NCKAP5: variants seen among roughly 807,000 people sequenced by gnomAD.
NCKAP5 encodes the protein nck-associated protein 5.
NCKAP5 carries 92 observed loss-of-function variants against 167.0 expected under a neutral mutation model. The observed-to-expected ratio is 0.55, with a 90% CI of 0.47 to 0.66. The LOEUF is 0.66. Among genes scored for constraint, NCKAP5 ranks in the 30% least tolerant of loss-of-function variants. NCKAP5 has a pLI of 0.00. For missense variants in NCKAP5, 2,378 were observed against 2,315.0 expected, an observed-to-expected ratio of 1.03 and a Z score of -0.56; for synonymous variants, 891 against 877.4, an observed-to-expected ratio of 1.02 and a Z score of -0.27.
chr2:133,094,378 C>T (rs899313386), intron 6 of NCKAP5, among the ~76,000 whole-genome samples: 1 of 152,120 alleles, frequency 6.6e-6, no homozygotes, highest in African/African-American at 2.4e-5. Context: ...AATTATATTG[C>T]TGCAGTAACA....
At chr2:133,387,624 A>G (rs113067204) in intron 3 of NCKAP5, among the ~76,000 whole-genome samples, 6,741 of 152,318 alleles carry the variant, frequency 0.044, 453 homozygotes, top group African/African-American at 0.15. Context: ...TCGGGATAAT[A>G]TCCTGAAGAG....
At chr2:132,907,609 A>C (rs1282559834) in intron 8 of NCKAP5, among the ~76,000 whole-genome samples, 4 of 152,206 alleles carry the variant, frequency 2.6e-5, no homozygotes, top group African/African-American at 7.2e-5. Flanking sequence ...TACCACTCAA[A>C]GACACGTTTT....
At chr2:133,197,979 C>T (rs1003403640) in intron 5 of NCKAP5, among the ~76,000 whole-genome samples, 12 of 151,686 alleles carry the variant, frequency 7.9e-5, no homozygotes, top group South Asian at 6.3e-4. Flanking sequence ...CTTGAAAAAG[C>T]GGAAAGATAG....
chr2:133,141,481 T>G lies in NCKAP5; in HGVS notation c.208-11370A>C, dbSNP rs148754638. Among the ~76,000 whole-genome samples, 127 of 152,232 alleles carry G rather than the reference T, an allele frequency of 8.3e-4. 1 individual carries two copies. Among genetic ancestry groups the G allele is most frequent in the African/African-American group, 2.8e-3 (116 of 41,558 alleles). On this transcript the variant is annotated intron_variant, in intron 5 of 19. Transcript: ENST00000409261. ...CCTGTAGCTGGAATCCTTATATTCC[T>G]TCCTTCAGTGAATGGGTATAATTAT...
intron 6 of NCKAP5, among the ~76,000 whole-genome samples, chr2:133,057,837 T>C (rs2079857663): frequency 1.3e-5 from 2 of 152,336 alleles, no homozygotes; most frequent in South Asian, 2.1e-4. Context: ...TAAATGCTGA[T>C]AGAAGATGCC....
At chr2:133,065,627 A>C (rs759042835) in intron 6 of NCKAP5, among the ~76,000 whole-genome samples, 16 of 152,114 alleles carry the variant, frequency 1.1e-4, no homozygotes, top group Non-Finnish European at 1.9e-4. Context: ...CTATCTTAAA[A>C]ATTTTTTTTC....
intron 11 of NCKAP5, among the ~76,000 whole-genome samples, chr2:132,811,655 G>T (rs1206238571): frequency 6.6e-6 from 1 of 152,100 alleles, no homozygotes; most frequent in Non-Finnish European, 1.5e-5. Context: ...TTTCCAGGCG[G>T]AAGGTGAGAT....
intron 3 of NCKAP5, among the ~76,000 whole-genome samples, chr2:133,425,319 T>C (rs1002261779): frequency 5.3e-5 from 8 of 152,206 alleles, no homozygotes; most frequent in African/African-American, 1.9e-4. Context: ...AATAAACACC[T>C]ATGTGGAGAA....
chr2:133,564,230 C>G (rs1013441445), intron 1 of NCKAP5, among the ~76,000 whole-genome samples: 1 of 152,132 alleles, frequency 6.6e-6, no homozygotes, highest in African/African-American at 2.4e-5. Flanking sequence ...TTCTGAGCAT[C>G]AGTATTTTTG....
intron 11 of NCKAP5, among the ~76,000 whole-genome samples, chr2:132,810,532 C>T (rs1685785753): frequency 6.6e-6 from 1 of 152,102 alleles, no homozygotes; most frequent in African/African-American, 2.4e-5. Flanking sequence ...TCTTTGAGCT[C>T]TGAATTTCTT....
chr2:133,611,125 G>GA, the NCKAP5 span, among the ~76,000 whole-genome samples: 3 of 151,264 alleles, frequency 2.0e-5, no homozygotes, highest in Admixed American at 6.6e-5. Context: ...GTTAATGCCC[G>GA]AAAAAAAAAG....
Position 132,861,208 on chromosome 2 carries a change from G to A in NCKAP5, c.688-597C>T, listed in dbSNP as rs139759599. Among the ~76,000 whole-genome samples the A allele has an allele frequency of 4.0e-3, 615 of 152,082 alleles. 1 individual carries two copies. The highest frequency in any genetic ancestry group is 0.014 in the African/African-American group (572 of 41,486). ...TTTCCATACCTTCTGGGGCTTTCTG[G>A]TCTCAGTGCTGGGTAAGAAGCACAC... On this transcript the variant is annotated intron_variant, in intron 10 of 19. Transcript: ENST00000409261.
chr2:133,331,693 C>T (rs954858139), intron 3 of NCKAP5, among the ~76,000 whole-genome samples: 1 of 152,212 alleles, frequency 6.6e-6, no homozygotes, highest in Non-Finnish European at 1.5e-5. Context: ...GCAACAGCAG[C>T]TGGGCTACAG....
intron 6 of NCKAP5, among the ~76,000 whole-genome samples, chr2:133,074,068 C>T (rs1375294100): frequency 2.6e-5 from 4 of 152,150 alleles, no homozygotes; most frequent in Non-Finnish European, 4.4e-5. Flanking sequence ...GTGTGTAAAA[C>T]CTCTAACCAT....
chr2:133,515,263 T>C (rs1037748762), intron 3 of NCKAP5, among the ~76,000 whole-genome samples: 5 of 152,216 alleles, frequency 3.3e-5, no homozygotes, highest in Non-Finnish European at 7.3e-5. Flanking sequence ...AGAAGTAGCA[T>C]CTTATTTGAA....
intron 5 of NCKAP5, among the ~76,000 whole-genome samples, chr2:133,161,725 G>A (rs1010338386): frequency 6.6e-6 from 1 of 152,226 alleles, no homozygotes; most frequent in Non-Finnish European, 1.5e-5. Context: ...TTAAAATTAA[G>A]CTTTAGAAAC....
At chr2:133,611,952 T>C in the NCKAP5 span, among the ~76,000 whole-genome samples, 1 of 152,180 alleles carries the variant, frequency 6.6e-6, no homozygotes, top group Non-Finnish European at 1.5e-5. Flanking sequence ...AGCTTCGACA[T>C]TTCAACCAAA....
chr2:133,476,950 C>T (rs942633261), intron 3 of NCKAP5, among the ~76,000 whole-genome samples: 1 of 152,166 alleles, frequency 6.6e-6, no homozygotes, highest in Non-Finnish European at 1.5e-5. Flanking sequence ...ATGCCATGGT[C>T]CCTTATTTGA....
intron 8 of NCKAP5, among the ~76,000 whole-genome samples, chr2:132,953,433 A>AT (rs1395745425): frequency 1.3e-5 from 2 of 152,076 alleles, no homozygotes; most frequent in Non-Finnish European, 2.9e-5. Flanking sequence ...CACACCTTAC[A>AT]TTTTTCTAAA....
Sources: gnomAD v4.1 joint callset for allele counts (sites outside exome capture counted in the v4.1 genomes callset) on GRCh38, gnomAD v4.1.1 for gene constraint, MANE v1.5 for transcripts, NCBI Gene and HGNC (gene_info 2026-07-23, HGNC 2026-07-21) for gene names.